PARD3B: variants seen among roughly 807,000 people sequenced by gnomAD.
PARD3B encodes partitioning defective 3 homolog B.
A neutral mutation model predicts 130.2 loss-of-function variants in PARD3B; 103 were observed. That is an observed-to-expected ratio of 0.79 (90% confidence interval 0.67 to 0.93). PARD3B has a LOEUF of 0.93. Ranked by LOEUF, PARD3B falls within the 40% of genes least tolerant of loss-of-function variation. The probability of loss-of-function intolerance (pLI) is 0.00; values close to 1 mark genes in which losing one functional copy is unlikely to be tolerated. For synonymous variants in PARD3B, 583 were observed against 553.2 expected (o/e 1.05, Z -0.76); for missense variants, 1,609 against 1,499.2 (o/e 1.07, Z -1.21).
chr2:204,845,791 C>G (rs7605954), intron 2 of PARD3B, among the ~76,000 whole-genome samples: 1 of 151,962 alleles, frequency 6.6e-6, no homozygotes, highest in African/African-American at 2.4e-5. Context: ...TTGAATGGCT[C>G]ACTACTTAAA....
At chr2:204,903,923 A>C (rs891110334) in intron 2 of PARD3B, among the ~76,000 whole-genome samples, 1 of 152,166 alleles carries the variant, frequency 6.6e-6, no homozygotes. Context: ...GTCAATGTAT[A>C]ATTATCTGTC....
intron 14 of PARD3B, among the ~76,000 whole-genome samples, chr2:205,186,414 A>G (rs2036101383): frequency 6.6e-6 from 1 of 152,216 alleles, no homozygotes. Flanking sequence ...AGATTTACTA[A>G]GCATACATAC....
At chr2:204,846,615 G>T (rs189426537) in intron 2 of PARD3B, among the ~76,000 whole-genome samples, 3 of 150,856 alleles carry the variant, frequency 2.0e-5, no homozygotes, top group South Asian at 4.2e-4. Context: ...GAGAACTTGT[G>T]CTCTTTCTGT....
chr2:204,987,345 T>C (rs1693250077), intron 3 of PARD3B, among the ~76,000 whole-genome samples: 1 of 152,266 alleles, frequency 6.6e-6, no homozygotes, highest in African/African-American at 2.4e-5. Flanking sequence ...TATCTTGAAT[T>C]CTGAAAATAT....
chr2:205,593,724 G>A (rs867432513), intron 22 of PARD3B, among the ~76,000 whole-genome samples: 16 of 152,124 alleles, frequency 1.1e-4, no homozygotes, highest in African/African-American at 2.9e-4. Context: ...CCAGTATTAC[G>A]GTGGCGAGAG....
At chr2:205,148,064 T>G (rs1295866105) in intron 10 of PARD3B, among the ~76,000 whole-genome samples, 2 of 152,084 alleles carry the variant, frequency 1.3e-5, no homozygotes, top group African/African-American at 2.4e-5. Flanking sequence ...GTATATATAA[T>G]ATTGTCTGTA....
intron 3 of PARD3B, among the ~76,000 whole-genome samples, chr2:205,013,379 T>C (rs1695877066): frequency 6.6e-6 from 1 of 152,242 alleles, no homozygotes; most frequent in African/African-American, 2.4e-5. Context: ...CCCTTCAGAC[T>C]TGTATATAAA....
intron 2 of PARD3B, among the ~76,000 whole-genome samples, chr2:204,763,214 T>C (rs371022241): frequency 2.6e-5 from 4 of 152,350 alleles, no homozygotes; most frequent in East Asian, 1.9e-4. Context: ...TGCTTTCCGA[T>C]GTTGACAGCA....
intron 4 of PARD3B, among the ~76,000 whole-genome samples, chr2:205,054,433 TATA>T (rs1183823005): frequency 0.013 from 387 of 30,128 alleles, 2 homozygotes; most frequent in Middle Eastern, 0.023. Context: ...TATATATATA[TATA>T]TTTTTTTTTT....
rs1478578019 is a variant in PARD3B at position 205,568,580 on chromosome 2, A to G, written c.3260+15177A>G. On this transcript the variant is annotated intron_variant, in intron 22 of 22. Transcript: ENST00000406610. The surrounding 1 kb of genome is among the most constrained non-coding windows in gnomAD (Gnocchi z 5.3). ...TGAGTTGCCTGACTCAAAAATGCCC[A>G]TTAATGAACAATGATGGTTTGAGTG... Among the ~76,000 whole-genome samples, 1 of 152,234 alleles carries G rather than the reference A, an allele frequency of 6.6e-6. No homozygotes were observed. Among genetic ancestry groups the G allele is most frequent in the Non-Finnish European group, 1.5e-5 (1 of 68,044 alleles).
At chr2:205,270,589 A>T (rs559595939) in intron 16 of PARD3B, among the ~76,000 whole-genome samples, 31 of 152,062 alleles carry the variant, frequency 2.0e-4, no homozygotes, top group African/African-American at 7.5e-4. Flanking sequence ...AAAAGAAAGA[A>T]AGAAAGAAAG....
In PARD3B at chr2:205,021,630, TTCTC is replaced by T. The variant is rs751947350; in HGVS notation, c.395-25933_395-25930del. Among the ~76,000 whole-genome samples, 7,198 of 142,442 alleles carry T rather than the reference TTCTC, an allele frequency of 0.051. 220 individuals carry two copies. Among genetic ancestry groups the T allele is most frequent in the African/African-American group, 0.08 (3,052 of 38,038 alleles). The allele number at this position is 142,442 out of a possible 152,430, so 93.4% of individuals were successfully genotyped here. On this transcript the variant is annotated intron_variant, in intron 3 of 22. Coordinates refer to ENST00000406610, the MANE Select transcript of PARD3B (RefSeq NM_001302769.2). This position sits in a 1 kb window ranked among gnomAD's most constrained non-coding sequence, Gnocchi z 4.5. ...TCTCTCTCTCTCTCTCCCTCTCTCT[TTCTC>T]TCTCTCTCTCTCTCTCTATATATAT... is the stretch of plus-strand genomic sequence containing the variant.
At chr2:205,124,894 T>C (rs1401150869) in intron 9 of PARD3B, among the ~76,000 whole-genome samples, 2 of 152,348 alleles carry the variant, frequency 1.3e-5, no homozygotes, top group East Asian at 3.9e-4. Flanking sequence ...CCCTATCATC[T>C]GTGCTAGGAT....
chr2:205,205,858 T>C (rs531736003), intron 15 of PARD3B, among the ~76,000 whole-genome samples: 37 of 152,334 alleles, frequency 2.4e-4, no homozygotes, highest in South Asian at 1.0e-3. Flanking sequence ...CAGTATTTTA[T>C]TGAGGATTTT....
At chr2:205,152,769 A>C (rs1381129494) in intron 10 of PARD3B, among the ~76,000 whole-genome samples, 2 of 152,124 alleles carry the variant, frequency 1.3e-5, no homozygotes, top group Admixed American at 1.3e-4. Context: ...AACTTGTCAG[A>C]GTCATTCTTT....
At chr2:205,495,535 T>C (rs2049893112) in intron 20 of PARD3B, among the ~76,000 whole-genome samples, 1 of 152,190 alleles carries the variant, frequency 6.6e-6, no homozygotes. Flanking sequence ...AATTACATCA[T>C]GATCTGATGT....
chr2:204,869,331 C>G (rs2045546692), intron 2 of PARD3B, among the ~76,000 whole-genome samples: 1 of 152,062 alleles, frequency 6.6e-6, no homozygotes, highest in South Asian at 2.1e-4. Context: ...TCCTCCTTGC[C>G]TAGCAGCCCA....
intron 2 of PARD3B, among the ~76,000 whole-genome samples, chr2:204,850,445 C>G (rs59383166): frequency 1.7e-3 from 252 of 147,596 alleles, no homozygotes; most frequent in African/African-American, 6.3e-3. Context: ...AGAGGTAAAC[C>G]TGGGTGAACT....
At chr2:205,370,684 T>C (rs945768000) in intron 18 of PARD3B, among the ~76,000 whole-genome samples, 5 of 152,230 alleles carry the variant, frequency 3.3e-5, no homozygotes. Flanking sequence ...GGAACCTATA[T>C]CTTGAAAGCT....
Sources: allele counts gnomAD v4.1 joint callset (sites outside exome capture counted in the v4.1 genomes callset), GRCh38; gene constraint gnomAD v4.1.1; non-coding constraint Gnocchi (gnomAD v3.1); transcripts MANE v1.5; gene names NCBI Gene and HGNC (gene_info 2026-07-23, HGNC 2026-07-21).